The following PAX8 variants were observed in gnomAD, a reference collection of about 807,000 sequenced individuals.
The protein encoded by PAX8 is paired box 8.
PAX8 carries 15 observed loss-of-function variants against 52.4 expected under a neutral mutation model. The ratio of observed to expected loss-of-function variants is 0.29; its 90% CI spans 0.19 to 0.44. The LOEUF (loss-of-function observed/expected upper bound fraction) is 0.44. Among genes scored for constraint, PAX8 ranks in the 20% least tolerant of loss-of-function variants. The pLI is 1.00. For missense variants in PAX8, 554 were observed against 602.5 expected, an observed-to-expected ratio of 0.92 and a Z score of 0.84; for synonymous variants, 284 against 249.7, an observed-to-expected ratio of 1.14 and a Z score of -1.29.
At chr2:113,257,274 A>G (rs542282023) in intron 2 of PAX8, among the ~76,000 whole-genome samples, 1 of 152,282 alleles carries the variant, frequency 6.6e-6, no homozygotes, top group East Asian at 1.9e-4. Context: ...TCTAGTGCCC[A>G]TGACTAGGCT....
Position 113,220,188 on chromosome 2 carries a change from G to A in PAX8, c.1190-10C>T, listed in dbSNP as rs766948534. The stretch of plus-strand genomic sequence containing the variant: ...CCAGAGTATTCACTTCCTGTTGGAG[G>A]CACACAGGGGAGAGGCCTGTGAGGT... On this transcript the variant is annotated splice_polypyrimidine_tract_variant and intron_variant, in intron 10 of 11. Transcript: ENST00000429538. 12 of 1,605,090 alleles carry A rather than the reference G, an allele frequency of 7.5e-6. No individual in the cohort carries two copies. In the Admixed American group the frequency reaches 8.3e-5, roughly 11 times the overall value.
rs1005628787 is a variant in PAX8 at position 113,275,908 on chromosome 2, A to AACG, written c.25+2459_25+2461dup. 22 of 152,238 alleles carry AACG rather than the reference A, an allele frequency of 1.4e-4. 1 individual carries two copies. Among genetic ancestry groups the AACG allele is most frequent in the African/African-American group, 4.3e-4 (18 of 41,466 alleles). The allele number at this position is 152,238 out of a possible 1,614,324, so 9.4% of individuals were successfully genotyped here. Reference sequence around the variant, plus strand: ...GACTCTCTGCAAGGCAAGACCAGCCAACGACGAGGCGACCCCGTGGCAGGC... The same window carrying AACG: ...GACTCTCTGCAAGGCAAGACCAGCCAACGACGACGAGGCGACCCCGTGGCAGGC... On this transcript the variant is annotated intron_variant, in intron 2 of 11. Coordinates refer to ENST00000429538, the MANE Select transcript of PAX8 (RefSeq NM_003466.4).
chr2:113,218,874 A>G (rs1424085991), intron 11 of PAX8, among the ~76,000 whole-genome samples: 1 of 152,126 alleles, frequency 6.6e-6, no homozygotes, highest in East Asian at 1.9e-4. Context: ...CCTCGTTGCA[A>G]TAGGGAGAGG....
chr2:113,278,262 G>T, intron 2 of PAX8, 108 bp downstream of exon 2: 1 of 911,666 alleles, frequency 1.1e-6, no homozygotes, highest in Non-Finnish European at 1.7e-6. Context: ...CACGCGGGTG[G>T]GTCCCGCGAA....
intron 2 of PAX8, chr2:113,266,531 C>T (rs574292884): frequency 6.6e-6 from 1 of 152,306 alleles, no homozygotes; most frequent in South Asian, 2.1e-4. Context: ...TGGATGGAGG[C>T]ATGTCGATCT....
chr2:113,224,156 G>A (rs1342191918), intron 10 of PAX8, among the ~76,000 whole-genome samples: 1 of 152,134 alleles, frequency 6.6e-6, no homozygotes, highest in Non-Finnish European at 1.5e-5. Flanking sequence ...AAGATGAATG[G>A]ACGAATGAAT....
intron 9 of PAX8, among the ~76,000 whole-genome samples, chr2:113,229,270 T>A (rs1337882749): frequency 6.6e-6 from 1 of 152,086 alleles, no homozygotes; most frequent in Non-Finnish European, 1.5e-5. Context: ...AGTTTCTTCA[T>A]ATGCAAAATG....
intron 10 of PAX8, among the ~76,000 whole-genome samples, chr2:113,223,624 C>T (rs910290574): frequency 2.0e-5 from 3 of 152,222 alleles, no homozygotes; most frequent in Admixed American, 6.5e-5. Flanking sequence ...TGAATGGTCA[C>T]TTTGAACACC....
Position 113,249,595 on chromosome 2 carries a change from AAG to A in PAX8, c.26-2678_26-2677del, listed in dbSNP as rs1411341751. 1.1e-4 allele frequency among the ~76,000 whole-genome samples: 17 copies of A among 152,106 alleles called. 1 individual carries two copies. Among genetic ancestry groups the A allele is most frequent in the African/African-American group, 4.1e-4 (17 of 41,414 alleles). On this transcript the variant is annotated intron_variant, in intron 2 of 11. Coordinates refer to ENST00000429538, the MANE Select transcript of PAX8 (RefSeq NM_003466.4). ...GGGTATTGTGCCTTTTTTTTAAAAA[AAG>A]AAAACGACGCTGTAAGTTGTGTGGG...
chr2:113,278,524 C>A, intron 1 of PAX8, 55 bp from the exon 2 acceptor site: 1 of 1,359,182 alleles, frequency 7.4e-7, no homozygotes, highest in Non-Finnish European at 1.0e-6. Context: ...TGCCTGCATC[C>A]TCAGGCCCCC....
chr2:113,220,041 C>A (rs767824242), intron 11 of PAX8, 51 bp downstream of exon 11: 2 of 1,380,592 alleles, frequency 1.4e-6, no homozygotes, highest in Non-Finnish European at 2.0e-6. Flanking sequence ...TTGCCCCCCA[C>A]CACTCCATCC....
At chr2:113,267,346 C>T (rs571591731) in intron 2 of PAX8, 1 of 152,380 alleles carries the variant, frequency 6.6e-6, no homozygotes, top group Non-Finnish European at 1.5e-5. Context: ...CCTAGTGGTG[C>T]TAGGGGCTGA....
chr2:113,220,199 A>G, intron 10 of PAX8, 21 bp from the exon 11 acceptor site: 1 of 1,577,346 alleles, frequency 6.3e-7, no homozygotes, highest in Non-Finnish European at 8.7e-7. Flanking sequence ...CACACAGGGG[A>G]GAGGCCTGTG....
chr2:113,241,422 C>G, intron 7 of PAX8, 129 bp downstream of exon 7: 1 of 865,042 alleles, frequency 1.2e-6, no homozygotes. Context: ...CTTGGAGTTG[C>G]ATAAGGCAGG....
intron 2 of PAX8, chr2:113,272,509 G>A (rs945678033): frequency 6.6e-6 from 1 of 152,136 alleles, no homozygotes; most frequent in Non-Finnish European, 1.5e-5. Flanking sequence ...AAAGACGAGT[G>A]GATGCTTCTT....
chr2:113,260,139 G>A (rs75450403), intron 2 of PAX8, among the ~76,000 whole-genome samples: 1,562 of 152,210 alleles, frequency 0.01, 28 homozygotes, highest in African/African-American at 0.035. Context: ...TGTGTATGTG[G>A]GGTGATGGTT....
rs981102503 is a variant in PAX8, at chr2:113,216,515, C to T, written c.*2018G>A. ...CTGCCCCCTTGTTCCAGCTGTGTCCCACATGGAGAAGGTCCATGTGGACAC... is the reference window on the plus strand; with the variant it reads ...CTGCCCCCTTGTTCCAGCTGTGTCCTACATGGAGAAGGTCCATGTGGACAC... On this transcript the variant is annotated 3_prime_UTR_variant, in exon 12 of 12. Transcript: ENST00000429538. 1 of 230,286 alleles carries T rather than the reference C, an allele frequency of 4.3e-6. No homozygotes were observed. The highest frequency in any genetic ancestry group is 8.6e-6 in the Non-Finnish European group (1 of 116,296). 14.3% of individuals were successfully genotyped at this position (230,286 alleles called of 1,614,324 possible). A position where few individuals can be genotyped will look rare whatever the true frequency, so the allele number is the denominator to read the frequency against.
intron 9 of PAX8, among the ~76,000 whole-genome samples, chr2:113,230,888 A>C (rs1689850254): frequency 1.3e-5 from 2 of 152,068 alleles, no homozygotes; most frequent in African/African-American, 4.8e-5. Flanking sequence ...CTACACCCAA[A>C]TTTCTTTCCA....
intron 11 of PAX8, among the ~76,000 whole-genome samples, chr2:113,219,884 T>C (rs751142987): frequency 2.0e-4 from 31 of 152,306 alleles, no homozygotes; most frequent in Non-Finnish European, 3.4e-4. Flanking sequence ...AACGAATGCC[T>C]GGAAGCCTCT....
Sources: allele counts gnomAD v4.1 joint callset (sites outside exome capture counted in the v4.1 genomes callset), GRCh38; gene constraint gnomAD v4.1.1; transcripts MANE v1.5; gene names NCBI Gene and HGNC (gene_info 2026-07-23, HGNC 2026-07-21).